The following DIS3L2 variants were observed in gnomAD, a reference collection of about 807,000 sequenced individuals.
DIS3L2 encodes DIS3-like exonuclease 2.
In DIS3L2, 34 loss-of-function variants were observed where a neutral mutation model predicts 97.5. The observed-to-expected ratio is 0.35, with a 90% CI of 0.27 to 0.46. DIS3L2 has a LOEUF of 0.46. DIS3L2 is among the 20% of genes least tolerant of loss of function. The probability of loss-of-function intolerance (pLI) is 1.00; values close to 1 mark genes in which losing one functional copy is unlikely to be tolerated. For missense variants in DIS3L2, 1,038 were observed against 1,146.0 expected (o/e 0.91, Z 1.36); for synonymous variants, 435 against 445.2 (o/e 0.98, Z 0.29).
chr2:232,068,581 C>CA (rs949081114), intron 5 of DIS3L2, among the ~76,000 whole-genome samples: 97 of 138,440 alleles, frequency 7.0e-4, no homozygotes, highest in Non-Finnish European at 4.4e-4. Flanking sequence ...GACCCTGCCT[C>CA]AAAAAAAAAA....
chr2:232,243,358 GA>G (rs1365635496), intron 11 of DIS3L2, among the ~76,000 whole-genome samples: 1 of 152,052 alleles, frequency 6.6e-6, no homozygotes, highest in Non-Finnish European at 1.5e-5. Flanking sequence ...AGTGGTAGGC[GA>G]AGGAGCTCAG....
At chr2:232,279,871 C>G (rs1311772779) in intron 13 of DIS3L2, among the ~76,000 whole-genome samples, 1 of 152,124 alleles carries the variant, frequency 6.6e-6, no homozygotes, top group Non-Finnish European at 1.5e-5. Flanking sequence ...AATCCTCTAC[C>G]AGGTTTGTGA....
chr2:232,330,064 G>A (rs1695691892), intron 15 of DIS3L2, 68 bp downstream of exon 15: 1 of 1,536,342 alleles, frequency 6.5e-7, no homozygotes, highest in East Asian at 2.3e-5. Context: ...TGGAAGGTGG[G>A]GTGGTCCAGC....
rs556214007 is a variant in DIS3L2, at chr2:232,281,256, G to A, written c.1659+17816G>A. Reference sequence around the variant, plus strand: ...CTACTAAAAATACAAAAAATTAGCCGGGCGTGGTGGCGGGCGCCTGTGGTC... The same window carrying A: ...CTACTAAAAATACAAAAAATTAGCCAGGCGTGGTGGCGGGCGCCTGTGGTC... On this transcript the variant is annotated intron_variant, in intron 13 of 20. Coordinates refer to ENST00000325385, the MANE Select transcript of DIS3L2 (RefSeq NM_152383.5). The surrounding 1 kb of genome is among the most constrained non-coding windows in gnomAD (Gnocchi z 4.1). Among the ~76,000 whole-genome samples, 24 of 152,202 alleles carry A rather than the reference G, an allele frequency of 1.6e-4. No individual in the cohort carries two copies. Among genetic ancestry groups the A allele is most frequent in the Middle Eastern group, 3.4e-3 (1 of 292 alleles).
At position 232,091,769 on chromosome 2, in the gene DIS3L2, G is replaced by A. The variant is rs185586321; in HGVS notation, c.601+4048G>A. The stretch of plus-strand genomic sequence containing the variant: ...ATACTAATTTACATTCTCACCAACA[G>A]TGTATGAGGGTTCCCTTTTCTCCAC... On this transcript the variant is annotated intron_variant, in intron 6 of 20. Coordinates refer to ENST00000325385, the MANE Select transcript of DIS3L2 (RefSeq NM_152383.5). 1.1e-3 allele frequency among the ~76,000 whole-genome samples: 175 copies of A among 152,274 alleles called. 2 individuals carry two copies. Among genetic ancestry groups the A allele is most frequent in the Non-Finnish European group, 4.4e-4 (30 of 68,016 alleles).
chr2:232,206,133 T>G lies in DIS3L2; in HGVS notation c.1125-4193T>G, dbSNP rs542016440. Among the ~76,000 whole-genome samples the G allele has an allele frequency of 2.6e-5, 4 of 152,312 alleles. No individual in the cohort carries two copies. In the South Asian group the frequency reaches 8.3e-4, roughly 32 times the overall value. ...TCTCCAAAGGTGCTCCCTTGAGGAA[T>G]CTTGGTTCTGGGAGATGCTGTCCCA... On this transcript the variant is annotated intron_variant, in intron 9 of 20. Coordinates refer to ENST00000325385, the MANE Select transcript of DIS3L2 (RefSeq NM_152383.5).
At chr2:232,129,167 G>C (rs2106348844) in intron 6 of DIS3L2, among the ~76,000 whole-genome samples, 1 of 152,278 alleles carries the variant, frequency 6.6e-6, no homozygotes, top group South Asian at 2.1e-4. Flanking sequence ...CAGGATTTAG[G>C]CTGCCTTGGA....
chr2:231,964,013 C>T (rs1313575128), intron 1 of DIS3L2, among the ~76,000 whole-genome samples: 1 of 152,208 alleles, frequency 6.6e-6, no homozygotes, highest in African/African-American at 2.4e-5. Context: ...GCTACTGTGC[C>T]TGACTGAGGT....
chr2:231,976,003 C>T (rs535853047), intron 1 of DIS3L2, among the ~76,000 whole-genome samples: 7 of 152,128 alleles, frequency 4.6e-5, no homozygotes, highest in African/African-American at 1.7e-4. Context: ...CATACACACA[C>T]ACACACCCCT....
At chr2:232,139,761 T>C (rs1038994970) in intron 8 of DIS3L2, among the ~76,000 whole-genome samples, 7 of 152,042 alleles carry the variant, frequency 4.6e-5, no homozygotes, top group Non-Finnish European at 1.0e-4. Context: ...GAGTAAAGAA[T>C]AGATGAGAAG....
intron 9 of DIS3L2, among the ~76,000 whole-genome samples, chr2:232,196,632 A>G (rs1328451994): frequency 1.3e-5 from 2 of 152,058 alleles, no homozygotes; most frequent in Non-Finnish European, 2.9e-5. Flanking sequence ...TGAAAGATTC[A>G]TTGTTGTGGA....
intron 14 of DIS3L2, among the ~76,000 whole-genome samples, chr2:232,323,722 G>A (rs535549075): frequency 3.3e-5 from 5 of 152,292 alleles, no homozygotes; most frequent in East Asian, 1.9e-4. Flanking sequence ...AGGGGTCAGC[G>A]AGAGGCCCGA....
At chr2:232,062,063 C>A (rs1695726575) in intron 5 of DIS3L2, among the ~76,000 whole-genome samples, 1 of 147,598 alleles carries the variant, frequency 6.8e-6, no homozygotes, top group African/African-American at 2.5e-5. Context: ...AGGAAATTTG[C>A]TTCCAGAGTC....
chr2:232,160,345 A>G (rs187656332), intron 8 of DIS3L2, among the ~76,000 whole-genome samples: 168 of 152,332 alleles, frequency 1.1e-3, no homozygotes, highest in Admixed American at 3.9e-3. Flanking sequence ...ATATTCAAGT[A>G]TCAATTTATT....
chr2:232,056,216 C>T (rs139208207), intron 5 of DIS3L2, among the ~76,000 whole-genome samples: 78 of 152,004 alleles, frequency 5.1e-4, no homozygotes, highest in African/African-American at 1.6e-3. Flanking sequence ...ACTAAAAATA[C>T]GAAAATTAGC....
At chr2:232,275,827 G>A (rs972140992) in intron 13 of DIS3L2, among the ~76,000 whole-genome samples, 2 of 152,142 alleles carry the variant, frequency 1.3e-5, no homozygotes, top group Non-Finnish European at 2.9e-5. Flanking sequence ...CCTGGAAGAC[G>A]TAGAGGCAGA....
At chr2:232,232,935 A>G (rs1692834115) in intron 10 of DIS3L2, among the ~76,000 whole-genome samples, 1 of 152,190 alleles carries the variant, frequency 6.6e-6, no homozygotes, top group African/African-American at 2.4e-5. Context: ...AGAAACTTGA[A>G]GAGGAGCAGA....
chr2:232,004,934 T>G (rs1399638568), intron 1 of DIS3L2, among the ~76,000 whole-genome samples: 1 of 152,202 alleles, frequency 6.6e-6, no homozygotes, highest in Non-Finnish European at 1.5e-5. Flanking sequence ...AGTTTCAATC[T>G]CTTCAGTCAT....
At chr2:232,203,583 T>C (rs1691953324) in intron 9 of DIS3L2, among the ~76,000 whole-genome samples, 1 of 152,236 alleles carries the variant, frequency 6.6e-6, no homozygotes, top group Non-Finnish European at 1.5e-5. Flanking sequence ...TCATTACATA[T>C]GTGCCTTCAA....
Sources: allele counts gnomAD v4.1 joint callset (sites outside exome capture counted in the v4.1 genomes callset), GRCh38; gene constraint gnomAD v4.1.1; non-coding constraint Gnocchi (gnomAD v3.1); transcripts MANE v1.5; gene names NCBI Gene and HGNC (gene_info 2026-07-23, HGNC 2026-07-21).